The following PRKN variants were observed in gnomAD, a reference collection of about 807,000 sequenced individuals.
PRKN encodes the protein E3 ubiquitin-protein ligase parkin.
In PRKN, 56 loss-of-function variants were observed where a neutral mutation model predicts 59.5. That is an observed-to-expected ratio of 0.94 (90% CI 0.76 to 1.18). The LOEUF is 1.18. Among genes scored for constraint, PRKN ranks in the 50% most tolerant of loss-of-function variants. The pLI, the probability that PRKN is intolerant of heterozygous loss-of-function variation, is 0.00. For missense variants in PRKN, 657 were observed against 596.4 expected, an observed-to-expected ratio of 1.10 and a Z score of -1.06; for synonymous variants, 250 against 222.1, an observed-to-expected ratio of 1.13 and a Z score of -1.12.
At chr6:162,680,884 G>A (rs894199091) in intron 1 of PRKN, among the ~76,000 whole-genome samples, 9 of 151,998 alleles carry the variant, frequency 5.9e-5, no homozygotes, top group South Asian at 4.1e-4. Context: ...ACTGTTTTCC[G>A]AATTGTCCTT....
intron 9 of PRKN, among the ~76,000 whole-genome samples, chr6:161,425,079 T>A (rs1019212495): frequency 6.7e-6 from 1 of 150,012 alleles, no homozygotes; most frequent in Non-Finnish European, 1.5e-5. Context: ...GTTTATTGAG[T>A]GCCTATGTGC....
intron 4 of PRKN, among the ~76,000 whole-genome samples, chr6:162,061,677 C>T (rs1226976148): frequency 6.6e-6 from 1 of 152,042 alleles, no homozygotes; most frequent in Non-Finnish European, 1.5e-5. Flanking sequence ...AGAGCAGCAG[C>T]ATAATAAATG....
intron 5 of PRKN, among the ~76,000 whole-genome samples, chr6:161,993,541 C>A (rs886537709): frequency 1.3e-4 from 20 of 152,136 alleles, no homozygotes; most frequent in African/African-American, 4.8e-4. Context: ...AAAAGCAATT[C>A]TTAAACTATT....
chr6:162,445,292 C>T (rs941180619), intron 1 of PRKN, among the ~76,000 whole-genome samples: 3 of 152,110 alleles, frequency 2.0e-5, no homozygotes, highest in African/African-American at 7.2e-5. Flanking sequence ...TTTCTAAGGA[C>T]ATTAATTACT....
intron 1 of PRKN, among the ~76,000 whole-genome samples, chr6:162,670,065 G>A (rs1779261569): frequency 6.6e-6 from 1 of 152,128 alleles, no homozygotes; most frequent in South Asian, 2.1e-4. Context: ...AAGTATCCTT[G>A]GTAAAGTGGC....
At chr6:161,645,850 A>G (rs1783908763) in intron 7 of PRKN, among the ~76,000 whole-genome samples, 1 of 152,286 alleles carries the variant, frequency 6.6e-6, no homozygotes, top group Non-Finnish European at 1.5e-5. Flanking sequence ...GAAAAGGGAA[A>G]TAAGTTAGAA....
intron 6 of PRKN, among the ~76,000 whole-genome samples, chr6:161,946,581 G>A (rs902908182): frequency 5.9e-5 from 9 of 152,058 alleles, no homozygotes; most frequent in African/African-American, 2.2e-4. Flanking sequence ...CTGAAGGGGT[G>A]TCCTCACAGT....
At chr6:161,510,643 T>C (rs1778350079) in intron 9 of PRKN, among the ~76,000 whole-genome samples, 1 of 152,224 alleles carries the variant, frequency 6.6e-6, no homozygotes, top group Non-Finnish European at 1.5e-5. Flanking sequence ...GCAAAGCTAT[T>C]TGCATAAGTA....
chr6:162,224,432 G>C (rs1778074769), intron 3 of PRKN, among the ~76,000 whole-genome samples: 1 of 152,142 alleles, frequency 6.6e-6, no homozygotes, highest in Non-Finnish European at 1.5e-5. Flanking sequence ...ATGCAGGTCT[G>C]TGTAAGTCCA....
At chr6:161,979,710 T>A (rs1165143513) in intron 5 of PRKN, among the ~76,000 whole-genome samples, 7 of 152,188 alleles carry the variant, frequency 4.6e-5, no homozygotes, top group Non-Finnish European at 1.0e-4. Context: ...TCTTTCATCA[T>A]AACTCACTTG....
chr6:162,531,958 AT>A (rs1447713247), intron 1 of PRKN, among the ~76,000 whole-genome samples: 141 of 151,106 alleles, frequency 9.3e-4, no homozygotes, highest in Non-Finnish European at 1.6e-3. Context: ...AAAAAAAAAA[AT>A]GTAACAAAAC....
chr6:162,419,317 T>C (rs1788830954), intron 2 of PRKN, among the ~76,000 whole-genome samples: 1 of 152,184 alleles, frequency 6.6e-6, no homozygotes, highest in East Asian at 1.9e-4. Context: ...AATAGTTTTG[T>C]TTTGATTATA....
At chr6:161,883,671 A>G (rs969999809) in intron 6 of PRKN, among the ~76,000 whole-genome samples, 1 of 152,024 alleles carries the variant, frequency 6.6e-6, no homozygotes, top group East Asian at 1.9e-4. Context: ...TTTTATTAAG[A>G]CAGAGTCTCA....
intron 2 of PRKN, among the ~76,000 whole-genome samples, chr6:162,366,244 T>C (rs1342961981): frequency 6.6e-6 from 1 of 152,340 alleles, no homozygotes; most frequent in Non-Finnish European, 1.5e-5. Context: ...TCCAAATTAA[T>C]CATTGTTGAA....
At chr6:161,784,827 T>C (rs562722611) in intron 7 of PRKN, among the ~76,000 whole-genome samples, 1 of 152,198 alleles carries the variant, frequency 6.6e-6, no homozygotes, top group Non-Finnish European at 1.5e-5. Context: ...ACGGCATTAT[T>C]CATAATAGCC....
At chr6:162,719,878 G>C (rs1388584193) in intron 1 of PRKN, among the ~76,000 whole-genome samples, 1 of 150,652 alleles carries the variant, frequency 6.6e-6, no homozygotes, top group Non-Finnish European at 1.5e-5. Flanking sequence ...AGAAAAGAGG[G>C]AGTGCAGGTA....
chr6:162,206,413 TGG>T (rs1179124011), intron 3 of PRKN, among the ~76,000 whole-genome samples: 36 of 152,186 alleles, frequency 2.4e-4, no homozygotes, highest in Non-Finnish European at 5.0e-4. Flanking sequence ...AAGGAGCTGC[TGG>T]CATGAGGCGT....
chr6:162,436,611 G>A (rs954399113), intron 2 of PRKN, among the ~76,000 whole-genome samples: 2 of 139,114 alleles, frequency 1.4e-5, no homozygotes, highest in Non-Finnish European at 3.1e-5. Flanking sequence ...TGCCCGATCT[G>A]GCTCATTTAT....
chr6:162,506,788 T>G (rs2128189362), intron 1 of PRKN, among the ~76,000 whole-genome samples: 1 of 152,190 alleles, frequency 6.6e-6, no homozygotes, highest in Admixed American at 6.5e-5. Flanking sequence ...CAGCACCAGC[T>G]TGGAGGCAAG....
Sources: allele counts gnomAD v4.1 joint callset (sites outside exome capture counted in the v4.1 genomes callset), GRCh38; gene constraint gnomAD v4.1.1; transcripts MANE v1.5; gene names NCBI Gene and HGNC (gene_info 2026-07-23, HGNC 2026-07-21).